Variants in TARS3 observed in about 807,000 individuals in gnomAD.
TARS3 encodes threonyl-tRNA synthetase 3.
Under a neutral mutation model 103.5 loss-of-function variants are expected in TARS3, and 94 were observed. The ratio of observed to expected loss-of-function variants is 0.91; its 90% CI spans 0.77 to 1.08. The LOEUF (loss-of-function observed/expected upper bound fraction) is 1.08, where lower values mean the gene tolerates loss of function less well. TARS3 is among the 50% of genes least tolerant of loss of function. The probability of loss-of-function intolerance (pLI) is 0.00; values close to 1 mark genes in which losing one functional copy is unlikely to be tolerated. For synonymous variants in TARS3, 416 were observed against 355.4 expected (o/e 1.17, Z -1.92); for missense variants, 952 against 995.2 (o/e 0.96, Z 0.58).
At chr15:101,716,690 G>A (rs1358972264) in intron 3 of TARS3, among the ~76,000 whole-genome samples, 1 of 151,982 alleles carries the variant, frequency 6.6e-6, no homozygotes, top group Non-Finnish European at 1.5e-5. Context: ...TATTTTCTCA[G>A]GAAAAATTCT....
chr15:101,696,210 CAAAAAAAA>C (rs57512244), intron 10 of TARS3, among the ~76,000 whole-genome samples: 21 of 81,752 alleles, frequency 2.6e-4, no homozygotes, highest in African/African-American at 6.1e-4. Flanking sequence ...GACTTTGTCT[CAAAAAAAA>C]AAAAAAAAAA....
intron 10 of TARS3, among the ~76,000 whole-genome samples, chr15:101,692,874 C>A (rs1050244799): frequency 6.6e-6 from 1 of 152,196 alleles, no homozygotes; most frequent in African/African-American, 2.4e-5. Flanking sequence ...TGTTTTGAGG[C>A]CTGCCATGTT....
At chr15:101,676,272 G>C (rs1898023799) in intron 12 of TARS3, among the ~76,000 whole-genome samples, 1 of 152,064 alleles carries the variant, frequency 6.6e-6, no homozygotes, top group Non-Finnish European at 1.5e-5. Flanking sequence ...AAGGGTTTTT[G>C]TTTTGTTTTG....
chr15:101,660,853 A>G (rs986515008), intron 16 of TARS3, among the ~76,000 whole-genome samples: 1 of 152,240 alleles, frequency 6.6e-6, no homozygotes. Flanking sequence ...ATTTTAACAG[A>G]ATGGGTCCTC....
intron 2 of TARS3, among the ~76,000 whole-genome samples, chr15:101,721,810 T>C (rs1310361726): frequency 6.6e-6 from 1 of 152,240 alleles, no homozygotes; most frequent in African/African-American, 2.4e-5. Context: ...TTTTCAACTT[T>C]AGTGATGTGA....
intron 15 of TARS3, among the ~76,000 whole-genome samples, chr15:101,664,889 A>G (rs564809654): frequency 4.6e-5 from 7 of 152,306 alleles, no homozygotes; most frequent in Non-Finnish European, 8.8e-5. Context: ...GTGACTGGAA[A>G]GACCAAAGTC....
At chr15:101,717,528 G>A (rs1900215178) in intron 3 of TARS3, among the ~76,000 whole-genome samples, 1 of 152,200 alleles carries the variant, frequency 6.6e-6, no homozygotes, top group African/African-American at 2.4e-5. Context: ...GTGGCCATGT[G>A]GCCAGGTTTG....
intron 17 of TARS3, 53 bp from the exon 18 acceptor site, chr15:101,657,089 G>A (rs751299014): frequency 5.8e-5 from 70 of 1,203,914 alleles, no homozygotes; most frequent in Non-Finnish European, 8.4e-5. Context: ...TAGCCTCCAA[G>A]AAGACCCCGT....
chr15:101,708,904 CA>C lies in TARS3; in HGVS notation c.818del (p.Val273GlyfsTer17). 6.3e-7 allele frequency: 1 copy of C among 1,582,982 alleles called. No individual in the cohort carries two copies. The highest frequency in any genetic ancestry group is 1.2e-5 in the South Asian group (1 of 86,050). On this transcript the variant is annotated frameshift_variant, in exon 6 of 19. Transcript: ENST00000335968. LOFTEE classifies it high-confidence loss of function. ...CCAGGGCTGACAATTCTGTGCTGGACACTGCTCTAAAAAGAAGAGCAGAGAA... is the reference window on the plus strand; with the variant it reads ...CCAGGGCTGACAATTCTGTGCTGGACCTGCTCTAAAAAGAAGAGCAGAGAA... ...YYDMFIEDRA[V>X]SSTELSALEN...
At chr15:101,695,043 A>T (rs952314237) in intron 10 of TARS3, among the ~76,000 whole-genome samples, 3 of 152,216 alleles carry the variant, frequency 2.0e-5, no homozygotes, top group African/African-American at 7.2e-5. Context: ...CTTAGTGAGA[A>T]TGAATTGCAT....
In TARS3 at chr15:101,676,803, T is replaced by C. The variant is rs1048663925; in HGVS notation, c.1651-1066A>G. Among the ~76,000 whole-genome samples, 958 of 101,920 alleles carry C rather than the reference T, an allele frequency of 9.4e-3. 31 individuals are homozygous for C. Among genetic ancestry groups the C allele is most frequent in the Admixed American group, 0.071 (829 of 11,706 alleles). 66.9% of individuals were successfully genotyped at this position (101,920 alleles called of 152,430 possible). ...ATTATAGGCATGAGCCACTACACCC[T>C]TTTTTTTTTTTTTTTAAGTTCCTGG... On this transcript the variant is annotated intron_variant, in intron 12 of 18. Transcript: ENST00000335968.
chr15:101,662,571 A>T (rs1214210209), intron 15 of TARS3, among the ~76,000 whole-genome samples: 2 of 152,210 alleles, frequency 1.3e-5, no homozygotes, highest in African/African-American at 4.8e-5. Flanking sequence ...ATCACTGCCA[A>T]CCATTTCTGC....
chr15:101,715,040 AG>A, intron 3 of TARS3, 77 bp from the exon 4 acceptor site: 1 of 1,376,586 alleles, frequency 7.3e-7, no homozygotes, highest in Admixed American at 2.5e-5. Context: ...AAGAATTTCT[AG>A]GGTTTTTTTT....
At chr15:101,709,037 G>A in intron 5 of TARS3, 127 bp from the exon 6 acceptor site, 2 of 642,092 alleles carry the variant, frequency 3.1e-6, no homozygotes, top group Non-Finnish European at 5.3e-6. Flanking sequence ...ACTTCAGAAA[G>A]TCAAACGTTC....
chr15:101,717,419 T>C (rs1258970727), intron 3 of TARS3, among the ~76,000 whole-genome samples: 4 of 152,250 alleles, frequency 2.6e-5, no homozygotes. Flanking sequence ...TAGAACTTTC[T>C]TTTCATTTTT....
chr15:101,715,349 T>A (rs1596328474), intron 3 of TARS3, among the ~76,000 whole-genome samples: 1 of 151,964 alleles, frequency 6.6e-6, no homozygotes, highest in South Asian at 2.1e-4. Context: ...GGTTTCACCG[T>A]TTTAGCCGGG....
At chr15:101,663,487 A>C (rs1897461754) in intron 15 of TARS3, among the ~76,000 whole-genome samples, 2 of 152,258 alleles carry the variant, frequency 1.3e-5, no homozygotes, top group Middle Eastern at 3.2e-3. Context: ...ATATTGCCTA[A>C]CGACACATTT....
intron 4 of TARS3, among the ~76,000 whole-genome samples, chr15:101,713,993 GCAATTATTGTAA>G (rs1385036641): frequency 6.6e-6 from 1 of 152,144 alleles, no homozygotes; most frequent in Non-Finnish European, 1.5e-5. Context: ...CATAAGCCTT[GCAATTATTGTAA>G]CCTAAGCTAA....
chr15:101,700,401 C>G (rs1899202400), intron 10 of TARS3, among the ~76,000 whole-genome samples: 1 of 152,158 alleles, frequency 6.6e-6, no homozygotes, highest in South Asian at 2.1e-4. Context: ...GCATCAGTGG[C>G]CCATGGAGCA....
Sources: allele counts gnomAD v4.1 joint callset (sites outside exome capture counted in the v4.1 genomes callset), GRCh38; gene constraint gnomAD v4.1.1; transcripts MANE v1.5; gene names NCBI Gene and HGNC (gene_info 2026-07-23, HGNC 2026-07-21).